The following ARID5B variants were observed in gnomAD, a reference collection of about 807,000 sequenced individuals.
ARID5B encodes AT-rich interactive domain-containing protein 5B.
In ARID5B, 13 loss-of-function variants were observed where a neutral mutation model predicts 97.2. That is an observed-to-expected ratio of 0.13 (90% CI 0.09 to 0.21). The LOEUF (loss-of-function observed/expected upper bound fraction) is 0.21, where lower values mean the gene tolerates loss of function less well. ARID5B is among the 10% of genes least tolerant of loss of function. The pLI, the probability that ARID5B is intolerant of heterozygous loss-of-function variation, is 1.00. For synonymous variants in ARID5B, 556 were observed against 570.3 expected (o/e 0.97, Z 0.36); for missense variants, 1,210 against 1,465.3 (o/e 0.83, Z 2.84).
rs745423737 is a variant in ARID5B at position 62,069,723 on chromosome 10, A to G, written c.1125A>G (p.Lys375=). 2.5e-6 allele frequency: 4 copies of G among 1,614,028 alleles called. No individual in the cohort carries two copies. Among genetic ancestry groups the G allele is most frequent in the East Asian group, 2.2e-5 (1 of 44,890 alleles). The part of the protein sequence containing the change: ...YETITARRQW[K]HIYDELGGNP... ...AGATAACAGCCCGCCGTCAGTGGAA[A>G]CATATTTATGATGAATTAGGCGGTA... Residue 375 remains lysine, a synonymous_variant, in exon 8 of 10, where the codon AAA becomes AAG. Coordinates refer to ENST00000279873, the MANE Select transcript of ARID5B (RefSeq NM_032199.3).
chr10:61,981,464 T>C (rs1241479138), intron 3 of ARID5B, among the ~76,000 whole-genome samples: 1 of 152,146 alleles, frequency 6.6e-6, no homozygotes, highest in Admixed American at 6.5e-5. Context: ...ATATTTTTAA[T>C]AGAGACAGGG....
At chr10:62,055,983 C>T (rs1394061222) in intron 5 of ARID5B, among the ~76,000 whole-genome samples, 1 of 152,156 alleles carries the variant, frequency 6.6e-6, no homozygotes, top group Non-Finnish European at 1.5e-5. Context: ...CTCTTCTCTC[C>T]CGATGTCAGT....
intron 3 of ARID5B, among the ~76,000 whole-genome samples, chr10:61,986,028 C>T (rs965937005): frequency 2.6e-5 from 4 of 152,124 alleles, no homozygotes; most frequent in Non-Finnish European, 4.4e-5. Context: ...ATAAAAATCA[C>T]GAGAATTCTC....
chr10:61,991,655 C>A (rs1022645886), intron 3 of ARID5B, among the ~76,000 whole-genome samples: 1 of 152,124 alleles, frequency 6.6e-6, no homozygotes, highest in Non-Finnish European at 1.5e-5. Context: ...TCCATTGATG[C>A]ACAAAAGCTT....
intron 4 of ARID5B, among the ~76,000 whole-genome samples, chr10:62,010,663 T>C (rs1839205272): frequency 6.6e-6 from 1 of 152,218 alleles, no homozygotes; most frequent in South Asian, 2.1e-4. Context: ...GTTCGTAATC[T>C]GGTCAGTGTC....
intron 3 of ARID5B, among the ~76,000 whole-genome samples, chr10:61,953,006 T>A (rs373599190): frequency 2.0e-5 from 3 of 152,174 alleles, no homozygotes; most frequent in African/African-American, 7.2e-5. Flanking sequence ...TACCTTTTTT[T>A]TTATTATTAT....
chr10:61,964,299 G>A (rs1404583980), intron 3 of ARID5B, among the ~76,000 whole-genome samples: 1 of 152,140 alleles, frequency 6.6e-6, no homozygotes, highest in Non-Finnish European at 1.5e-5. Context: ...AGATGGGGCA[G>A]CAGCTATTTA....
chr10:61,917,163 T>TA (rs3051550), intron 2 of ARID5B, among the ~76,000 whole-genome samples: 7,719 of 139,406 alleles, frequency 0.055, 217 homozygotes, highest in Middle Eastern at 0.11. Flanking sequence ...CTGTTTCTAG[T>TA]AAAAAAAAAA....
intron 3 of ARID5B, among the ~76,000 whole-genome samples, chr10:61,963,041 G>C (rs1469045670): frequency 1.3e-5 from 2 of 149,640 alleles, no homozygotes; most frequent in African/African-American, 2.4e-5. Flanking sequence ...TTGTCAAAAT[G>C]TGCAACTCTA....
At chr10:61,936,356 G>A (rs184577412) in intron 2 of ARID5B, among the ~76,000 whole-genome samples, 2,237 of 152,330 alleles carry the variant, frequency 0.015, 59 homozygotes, top group African/African-American at 0.051. Flanking sequence ...GGTGGCTCAC[G>A]CCTGTAATCC....
At chr10:61,965,320 T>C in intron 3 of ARID5B, among the ~76,000 whole-genome samples, 1 of 152,220 alleles carries the variant, frequency 6.6e-6, no homozygotes, top group Non-Finnish European at 1.5e-5. Flanking sequence ...TTTTTCCATG[T>C]TCATTTTTAT....
intron 3 of ARID5B, among the ~76,000 whole-genome samples, chr10:61,946,745 G>A (rs1475345624): frequency 6.6e-6 from 1 of 151,982 alleles, no homozygotes; most frequent in African/African-American, 2.4e-5. Flanking sequence ...ACATAGTGAA[G>A]CCCCATCTCT....
intron 4 of ARID5B, among the ~76,000 whole-genome samples, chr10:62,028,434 C>G (rs1487376929): frequency 6.6e-6 from 1 of 152,076 alleles, no homozygotes; most frequent in East Asian, 1.9e-4. Context: ...AAGTCTGTTC[C>G]CCTGTAGGGT....
intron 2 of ARID5B, among the ~76,000 whole-genome samples, chr10:61,921,146 T>C (rs1419180410): frequency 6.6e-6 from 1 of 152,238 alleles, no homozygotes; most frequent in Non-Finnish European, 1.5e-5. Flanking sequence ...TGTAAATGTG[T>C]CCTGTGTTAA....
chr10:62,087,043 G>A (rs1840295333), intron 9 of ARID5B, among the ~76,000 whole-genome samples: 1 of 152,200 alleles, frequency 6.6e-6, no homozygotes, highest in Non-Finnish European at 1.5e-5. Flanking sequence ...GCTCACGCCT[G>A]TAATCCCAGC....
At chr10:62,075,554 C>T (rs1840119184) in intron 8 of ARID5B, among the ~76,000 whole-genome samples, 1 of 152,226 alleles carries the variant, frequency 6.6e-6, no homozygotes, top group Non-Finnish European at 1.5e-5. Flanking sequence ...CCTTGCCTTG[C>T]CTTCGGAGGA....
intron 8 of ARID5B, among the ~76,000 whole-genome samples, chr10:62,074,860 G>A (rs879446718): frequency 1.3e-5 from 2 of 152,194 alleles, no homozygotes; most frequent in South Asian, 2.1e-4. Flanking sequence ...CAGCAATTGC[G>A]AATAAGCATT....
At chr10:61,924,148 T>G (rs1844062573) in intron 2 of ARID5B, among the ~76,000 whole-genome samples, 1 of 152,208 alleles carries the variant, frequency 6.6e-6, no homozygotes, top group Non-Finnish European at 1.5e-5. Context: ...AGCCCCACCT[T>G]TAGAAAGCAT....
intron 4 of ARID5B, chr10:62,025,136 A>G (rs1839405090): frequency 1.3e-5 from 2 of 152,732 alleles, no homozygotes; most frequent in Admixed American, 1.3e-4. Context: ...TAAAGTATAT[A>G]ATTGCATTCT....
Sources: gnomAD v4.1 joint callset for allele counts (sites outside exome capture counted in the v4.1 genomes callset) on GRCh38, gnomAD v4.1.1 for gene constraint, MANE v1.5 for transcripts, NCBI Gene and HGNC (gene_info 2026-07-23, HGNC 2026-07-21) for gene names.